ZNF618: variants seen among roughly 807,000 people sequenced by gnomAD.
The protein encoded by ZNF618 is zinc finger protein 618, also known as neural precursor cell expressed, developmentally down-regulated 10.
A neutral mutation model predicts 103.0 loss-of-function variants in ZNF618; 34 were observed. The ratio of observed to expected loss-of-function variants is 0.33; its 90% CI spans 0.25 to 0.44. The LOEUF is 0.44. Ranked by LOEUF, ZNF618 falls within the 20% of genes least tolerant of loss-of-function variation. ZNF618 has a pLI of 1.00. For missense variants in ZNF618, 1,059 were observed against 1,295.4 expected, an observed-to-expected ratio of 0.82 and a Z score of 2.80; for synonymous variants, 551 against 542.2, an observed-to-expected ratio of 1.02 and a Z score of -0.23.
At chr9:114,018,353 G>A (rs1294991251) in intron 10 of ZNF618, among the ~76,000 whole-genome samples, 3 of 152,250 alleles carry the variant, frequency 2.0e-5, no homozygotes, top group African/African-American at 7.2e-5. Flanking sequence ...CCATAAGCAG[G>A]TACAGGGCAG....
chr9:113,943,544 G>A (rs1411781947), intron 1 of ZNF618, among the ~76,000 whole-genome samples: 1 of 152,024 alleles, frequency 6.6e-6, no homozygotes, highest in South Asian at 2.1e-4. Context: ...AGCTACAACC[G>A]ATTGTTGCCA....
chr9:113,955,315 AC>A (rs1233172851), intron 1 of ZNF618, among the ~76,000 whole-genome samples: 1 of 136,178 alleles, frequency 7.3e-6, no homozygotes, highest in African/African-American at 2.7e-5. Flanking sequence ...CCACCCCCAC[AC>A]TGCAAAGAAA....
At chr9:113,917,168 T>C (rs1236010542) in intron 1 of ZNF618, among the ~76,000 whole-genome samples, 1 of 152,116 alleles carries the variant, frequency 6.6e-6, no homozygotes, top group Admixed American at 6.5e-5. Context: ...AATGCTCTTT[T>C]CTAGTTATTT....
At chr9:113,951,544 T>TGTATATATGC in intron 1 of ZNF618, among the ~76,000 whole-genome samples, 1 of 59,212 alleles carries the variant, frequency 1.7e-5, no homozygotes, top group Admixed American at 2.3e-4. Context: ...TGTACATATG[T>TGTATATATGC]ACACATATGT....
At chr9:113,982,802 A>G (rs533589824) in intron 2 of ZNF618, among the ~76,000 whole-genome samples, 1 of 152,284 alleles carries the variant, frequency 6.6e-6, no homozygotes, top group East Asian at 1.9e-4. Flanking sequence ...TAGACCTTCA[A>G]GGAACATACT....
In ZNF618 at chr9:114,001,635, T is replaced by G. The variant is rs991930442; in HGVS notation, c.434-361T>G. Among the ~76,000 whole-genome samples the G allele has an allele frequency of 3.9e-5, 6 of 152,258 alleles. No individual in the cohort carries two copies. The East Asian group carries it at 7.7e-4, about 19-fold the overall frequency. The stretch of plus-strand genomic sequence containing the variant: ...AAATTATTGTAATGCGTTGAAGTAA[T>G]GATTTCCTTATGTGGATGCAATTTA... On this transcript the variant is annotated intron_variant, in intron 4 of 14. Transcript: ENST00000374126.
chr9:113,885,856 G>A (rs774102611), intron 1 of ZNF618, among the ~76,000 whole-genome samples: 2 of 152,102 alleles, frequency 1.3e-5, no homozygotes, highest in African/African-American at 2.4e-5. Flanking sequence ...GTATTGAGTC[G>A]ACAAAAAAGT....
At chr9:113,970,795 T>G (rs1483659702) in intron 2 of ZNF618, among the ~76,000 whole-genome samples, 4 of 151,388 alleles carry the variant, frequency 2.6e-5, no homozygotes, top group African/African-American at 9.7e-5. Flanking sequence ...CTTTAATTAT[T>G]TCATTTTCAT....
At chr9:113,896,312 T>A (rs1830040603) in intron 1 of ZNF618, among the ~76,000 whole-genome samples, 1 of 152,102 alleles carries the variant, frequency 6.6e-6, no homozygotes, top group Non-Finnish European at 1.5e-5. Flanking sequence ...TGAATTTTCC[T>A]CTGAGTACAT....
At chr9:113,983,364 G>A (rs1839144553) in intron 2 of ZNF618, among the ~76,000 whole-genome samples, 1 of 152,206 alleles carries the variant, frequency 6.6e-6, no homozygotes. Flanking sequence ...CAACATTTGG[G>A]TTTGTAAATC....
chr9:113,982,602 G>A (rs2133160950), intron 2 of ZNF618, among the ~76,000 whole-genome samples: 1 of 152,272 alleles, frequency 6.6e-6, no homozygotes, highest in East Asian at 1.9e-4. Flanking sequence ...CAGGAGATTA[G>A]GATGTGGACA....
At chr9:114,038,094 A>G (rs1292314489) in intron 13 of ZNF618, among the ~76,000 whole-genome samples, 1 of 152,230 alleles carries the variant, frequency 6.6e-6, no homozygotes, top group Non-Finnish European at 1.5e-5. Context: ...ATGGGGAAGC[A>G]GGATCCTCGG....
chr9:114,020,961 C>T (rs1015580713), intron 10 of ZNF618, among the ~76,000 whole-genome samples: 5 of 148,500 alleles, frequency 3.4e-5, no homozygotes, highest in African/African-American at 1.2e-4. Context: ...AATAAGTTAC[C>T]TCTTATTTAT....
intron 1 of ZNF618, among the ~76,000 whole-genome samples, chr9:113,919,540 G>C (rs1215529752): frequency 6.6e-6 from 1 of 152,244 alleles, no homozygotes; most frequent in African/African-American, 2.4e-5. Flanking sequence ...AGGCTGTTAT[G>C]CCAGGAGCGA....
chr9:114,018,309 A>C (rs1842807441), intron 10 of ZNF618, among the ~76,000 whole-genome samples: 1 of 152,186 alleles, frequency 6.6e-6, no homozygotes, highest in African/African-American at 2.4e-5. Context: ...GGGCTTGAAC[A>C]CCATGGCCTG....
intron 9 of ZNF618, among the ~76,000 whole-genome samples, chr9:114,011,167 A>G (rs1842206673): frequency 6.6e-6 from 1 of 152,226 alleles, no homozygotes; most frequent in Non-Finnish European, 1.5e-5. Context: ...TAATCTGTCT[A>G]ATCCATAGTT....
At chr9:113,926,152 G>GTTTTTT (rs1279501488) in intron 1 of ZNF618, among the ~76,000 whole-genome samples, 1 of 140,518 alleles carries the variant, frequency 7.1e-6, no homozygotes, top group African/African-American at 2.7e-5. Context: ...GGTTGGTGTT[G>GTTTTTT]TTTTTTTTTT....
intron 2 of ZNF618, among the ~76,000 whole-genome samples, chr9:113,980,163 T>C (rs1234650487): frequency 3.9e-5 from 6 of 152,166 alleles, no homozygotes; most frequent in Non-Finnish European, 1.5e-5. Flanking sequence ...TTGGAATTAC[T>C]GTTAGCTGAA....
intron 9 of ZNF618, chr9:114,015,977 T>G: frequency 1.4e-6 from 1 of 729,544 alleles, no homozygotes; most frequent in Non-Finnish European, 2.3e-6. Flanking sequence ...TGAGACAGAA[T>G]GAAGAGTGGG....
Sources: gnomAD v4.1 joint callset for allele counts (sites outside exome capture counted in the v4.1 genomes callset) on GRCh38, gnomAD v4.1.1 for gene constraint, MANE v1.5 for transcripts, NCBI Gene and HGNC (gene_info 2026-07-23, HGNC 2026-07-21) for gene names.